The following LILRB2 variants were observed in gnomAD, a reference collection of about 807,000 sequenced individuals.
The protein encoded by LILRB2 is leukocyte immunoglobulin like receptor B2.
Under a neutral mutation model 72.7 loss-of-function variants are expected in LILRB2, and 47 were observed. The ratio of observed to expected loss-of-function variants is 0.65; its 90% CI spans 0.51 to 0.82. The LOEUF (loss-of-function observed/expected upper bound fraction) is 0.82. Among genes scored for constraint, LILRB2 ranks in the 40% least tolerant of loss-of-function variants. The pLI is 0.00. For missense variants in LILRB2, 767 were observed against 764.8 expected (o/e 1.00, Z -0.03); for synonymous variants, 279 against 313.7 (o/e 0.89, Z 1.17).
At position 54,276,523 on chromosome 19, in the gene LILRB2, C is replaced by T. The variant is rs1229398481; in HGVS notation, c.1481-67G>A. 9.8e-6 allele frequency: 13 copies of T among 1,319,902 alleles called. No individual in the cohort carries two copies. The Admixed American group carries it at 1.6e-4, about 16-fold the overall frequency. The allele number at this position is 1,319,902 out of a possible 1,614,324, so 81.8% of individuals were successfully genotyped here. ...AGCCCCCTGCCCTGCACACACAGCT[C>T]GAAGGTAAGGAAGGAAACCTAAAAA... On this transcript the variant is annotated intron_variant, in intron 10 of 13. Coordinates refer to ENST00000314446, the MANE Select transcript of LILRB2 (RefSeq NM_001080978.4).
chr19:54,276,973 T>C, intron 9 of LILRB2, 44 bp from the exon 10 acceptor site: 1 of 1,586,742 alleles, frequency 6.3e-7, no homozygotes, highest in South Asian at 1.1e-5. Context: ...GTCATTGAAA[T>C]GAGCGCCTAC....
rs566521940 is a variant in LILRB2 at position 54,277,820 on chromosome 19, C to T, written c.1309+69G>A. 3.0e-4 allele frequency: 416 copies of T among 1,380,032 alleles called. 3 individuals carry two copies. The South Asian group carries it at 3.6e-3, about 12-fold the overall frequency. 85.5% of individuals were successfully genotyped at this position (1,380,032 alleles called of 1,614,324 possible). A position where few individuals can be genotyped will look rare whatever the true frequency, so the allele number is the denominator to read the frequency against. ...TTGAGTCCCTGAAGGGAATGGGATCCTCCTGGACACTCAAAGCTGCCCTGG... is the reference window on the plus strand; with the variant it reads ...TTGAGTCCCTGAAGGGAATGGGATCTTCCTGGACACTCAAAGCTGCCCTGG... On this transcript the variant is annotated intron_variant, in intron 8 of 13. Coordinates refer to ENST00000314446, the MANE Select transcript of LILRB2 (RefSeq NM_001080978.4).
intron 3 of LILRB2, 72 bp downstream of exon 3, chr19:54,280,192 C>T: frequency 8.7e-6 from 14 of 1,612,928 alleles, no homozygotes; most frequent in Non-Finnish European, 1.2e-5. Context: ...AATCCCCATC[C>T]CCAGCTGCAC....
intron 10 of LILRB2, 174 bp downstream of exon 10, chr19:54,276,633 G>A (rs539158737): frequency 4.2e-6 from 6 of 1,432,926 alleles, no homozygotes; most frequent in Admixed American, 4.4e-5. Context: ...ACTGAGCCCG[G>A]AGGACACTTT....
chr19:54,274,630 T>A lies in LILRB2; in HGVS notation c.*53A>T. On this transcript the variant is annotated 3_prime_UTR_variant, in exon 14 of 14. Coordinates refer to ENST00000314446, the MANE Select transcript of LILRB2 (RefSeq NM_001080978.4). ...TCCACTGGGGGCAGCTCCCGTGCCT[T>A]CAGCAGTCCTGAGTCTCCTTCTACT... The A allele has an allele frequency of 6.2e-7, 1 of 1,613,152 alleles. No homozygotes were observed. Among genetic ancestry groups the A allele is most frequent in the Non-Finnish European group, 8.5e-7 (1 of 1,179,284 alleles).
intron 1 of LILRB2, 164 bp downstream of exon 1, chr19:54,280,797 G>C: frequency 2.4e-6 from 1 of 420,202 alleles, no homozygotes; most frequent in Non-Finnish European, 4.2e-6. Flanking sequence ...GTTTCTCCTC[G>C]TCTCACCGAG....
chr19:54,277,099 G>A, intron 9 of LILRB2, 170 bp from the exon 10 acceptor site: 2 of 1,503,872 alleles, frequency 1.3e-6, no homozygotes, highest in South Asian at 1.2e-5. Flanking sequence ...CGCTCAGAGA[G>A]GGGAATCGCC....
At chr19:54,275,601 T>G (rs444004) in intron 13 of LILRB2, 3 of 531,072 alleles carry the variant, frequency 5.6e-6, no homozygotes, top group Non-Finnish European at 1.1e-5. Context: ...ATGGGGAGCC[T>G]GATCCACAGT....
At position 54,278,202 on chromosome 19, in the gene LILRB2, G is replaced by A. The variant is rs1013897008; in HGVS notation, c.1258+58C>T. The A allele has an allele frequency of 3.8e-6, 6 of 1,599,570 alleles. No homozygotes were observed. In the African/African-American group the frequency reaches 6.7e-5, roughly 18 times the overall value. On this transcript the variant is annotated intron_variant, in intron 7 of 13. Coordinates refer to ENST00000314446, the MANE Select transcript of LILRB2 (RefSeq NM_001080978.4). ...TCCATCCCAGCCCAGAGCTCTCCTG[G>A]GGGGCAGGGCCTGAGCTGAGCCTTT... is the stretch of plus-strand genomic sequence containing the variant.
chr19:54,274,762 T>C lies in LILRB2; in HGVS notation c.1715A>G (p.Lys572Arg). Reference sequence around the variant, plus strand: ...CTGGGATGGAGGAGGCTCAGTTGCCTTCCGTCTGAGGGTCAAGCTGTGCAG... The same window carrying C: ...CTGGGATGGAGGAGGCTCAGTTGCCCTCCGTCTGAGGGTCAAGCTGTGCAG... ...AQLHSLTLRRKATEPPPSQER... is the reference protein window; with the variant it reads ...AQLHSLTLRRRATEPPPSQER... The change falls in exon 14 of 14, where the codon AAG becomes AGG. Residue 572 changes from lysine to arginine, a missense_variant. Lys to Arg is a conservative substitution (Grantham distance 26, BLOSUM62 2). Coordinates refer to ENST00000314446, the MANE Select transcript of LILRB2 (RefSeq NM_001080978.4). 1 of 1,613,886 alleles carries C rather than the reference T, an allele frequency of 6.2e-7. No homozygotes were observed. The highest frequency in any genetic ancestry group is 1.1e-5 in the South Asian group (1 of 91,042).
intron 10 of LILRB2, 109 bp downstream of exon 10, chr19:54,276,698 T>C: frequency 1.3e-6 from 2 of 1,520,776 alleles, no homozygotes; most frequent in African/African-American, 1.4e-5. Context: ...TGGTGAGAAA[T>C]GCTGGAACAG....
intron 13 of LILRB2, 195 bp from the exon 14 acceptor site, chr19:54,275,024 G>A (rs1311065765): frequency 6.3e-7 from 1 of 1,597,620 alleles, no homozygotes; most frequent in Non-Finnish European, 8.6e-7. Flanking sequence ...TGTTTCACCG[G>A]GGCATATGTC....
rs1284383229 is a variant in LILRB2, at chr19:54,274,092, T to C, written c.*591A>G. On this transcript the variant is annotated 3_prime_UTR_variant, in exon 14 of 14. Coordinates refer to ENST00000314446, the MANE Select transcript of LILRB2 (RefSeq NM_001080978.4). ...TGGGCTGTCTGCTGGCTCACTCCCA[T>C]ATGGAAATGCGTGCCTGCTCTTTCT... is the stretch of plus-strand genomic sequence containing the variant. The C allele has an allele frequency of 6.5e-6, 1 of 153,580 alleles. No homozygotes were observed. The highest frequency in any genetic ancestry group is 1.4e-5 in the Non-Finnish European group (1 of 69,070). 9.5% of individuals were successfully genotyped at this position (153,580 alleles called of 1,614,324 possible). A position where few individuals can be genotyped will look rare whatever the true frequency, so the allele number is the denominator to read the frequency against.
Position 54,277,605 on chromosome 19 carries a change from G to A in LILRB2, c.1310-8C>T, listed in dbSNP as rs1183508094. 2.5e-6 allele frequency: 4 copies of A among 1,570,678 alleles called. No individual in the cohort carries two copies. In the African/African-American group the frequency reaches 5.4e-5, roughly 21 times the overall value. On this transcript the variant is annotated splice_region_variant and splice_polypyrimidine_tract_variant and intron_variant, in intron 8 of 13. Transcript: ENST00000314446. ...GGGGCTGGTCCTCAGGGCCTGCTGGGTCAGGACGGGGAGGTGAGGGCTGGG... is the reference window on the plus strand; with the variant it reads ...GGGGCTGGTCCTCAGGGCCTGCTGGATCAGGACGGGGAGGTGAGGGCTGGG...
rs140619167 is a variant in LILRB2, at chr19:54,279,602, A to C, written c.401T>G (p.Val134Gly). The change falls in exon 5 of 14, where the codon GTG (valine) becomes GGG (glycine). Residue 134 changes from valine (V) to glycine (G), a missense_variant. By Grantham distance (109) the Val-to-Gly change is moderately radical. Coordinates refer to ENST00000314446, the MANE Select transcript of LILRB2 (RefSeq NM_001080978.4). Reference protein sequence around the residue: ...PTLSAQPSPVVTSGGRVTLQC... With the variant: ...PTLSAQPSPVGTSGGRVTLQC... ...GAGGGTCACCCTTCCTCCTGAGGTC[A>C]CCACAGGGCTGGGCTGGGCTGAGAG... The C allele has an allele frequency of 2.0e-4, 327 of 1,613,958 alleles. No individual in the cohort carries two copies. Among genetic ancestry groups the C allele is most frequent in the Non-Finnish European group, 2.7e-4 (315 of 1,179,994 alleles).
chr19:54,275,694 A>T lies in LILRB2; in HGVS notation c.1647+257T>A, dbSNP rs865975177. The T allele has an allele frequency of 1.5e-3, 948 of 619,368 alleles. 3 individuals are homozygous for T. The highest frequency in any genetic ancestry group is 6.4e-3 in the African/African-American group (349 of 54,376). 38.4% of individuals were successfully genotyped at this position (619,368 alleles called of 1,614,324 possible). A position where few individuals can be genotyped will look rare whatever the true frequency, so the allele number is the denominator to read the frequency against. ...GTGGTTCATTTATTCCTCATCCTCCAGAGGCCTGGGGAGCGCTCTAACAAC... is the reference window on the plus strand; with the variant it reads ...GTGGTTCATTTATTCCTCATCCTCCTGAGGCCTGGGGAGCGCTCTAACAAC... On this transcript the variant is annotated intron_variant, in intron 13 of 13. Transcript: ENST00000314446.
Position 54,278,400 on chromosome 19 carries a change from T to C in LILRB2, c.1118A>G (p.Glu373Gly), listed in dbSNP as rs770384548. ...DAPLRLRSIH[E>G]YPKYQAEFPM... The stretch of plus-strand genomic sequence containing the variant: ...GAATTCAGCCTGGTACTTAGGATAT[T>C]CGTGTATTGATCTTAGACGGAGTGG... Residue 373 changes from glutamate (E) to glycine (G), a missense_variant, in exon 7 of 14, where the codon GAA (glutamate) becomes GGA (glycine). Around this residue, in one of 3 missense-constraint regions of LILRB2, gnomAD observed 599 missense variants for 568.2 expected, o/e 1.05. Coordinates refer to ENST00000314446, the MANE Select transcript of LILRB2 (RefSeq NM_001080978.4). 1.9e-6 allele frequency: 3 copies of C among 1,614,036 alleles called. No homozygotes were observed. The highest frequency in any genetic ancestry group is 1.3e-5 in the African/African-American group (1 of 74,894).
rs2080240463 is a variant in LILRB2, at chr19:54,276,602, C to T, written c.1481-146G>A. The stretch of plus-strand genomic sequence containing the variant: ...CATGAGATGGACAGAGTCCGAAGGA[C>T]ACTTTACATTTGTAGATGGGACTGA... On this transcript the variant is annotated intron_variant, in intron 10 of 13. Coordinates refer to ENST00000314446, the MANE Select transcript of LILRB2 (RefSeq NM_001080978.4). 3.5e-6 allele frequency: 5 copies of T among 1,436,732 alleles called. No homozygotes were observed. The East Asian group carries it at 9.2e-5, about 26-fold the overall frequency. The allele number at this position is 1,436,732 out of a possible 1,614,324, so 89.0% of individuals were successfully genotyped here. A position where few individuals can be genotyped will look rare whatever the true frequency, so the allele number is the denominator to read the frequency against.
Position 54,277,306 on chromosome 19 carries a change from C to A in LILRB2, c.1357+244G>T, listed in dbSNP as rs1226404114. ...GCAGGTGGGACGGGACAGGCCCCCG[C>A]GGAATCGAGTCTTGGAGTCTTCCCT... is the stretch of plus-strand genomic sequence containing the variant. On this transcript the variant is annotated intron_variant, in intron 9 of 13. Transcript: ENST00000314446. The A allele has an allele frequency of 3.0e-6, 4 of 1,352,180 alleles. No individual in the cohort carries two copies. In the African/African-American group the frequency reaches 4.4e-5, roughly 15 times the overall value. The allele number at this position is 1,352,180 out of a possible 1,614,324, so 83.8% of individuals were successfully genotyped here.
Sources: gnomAD v4.1 joint callset for allele counts on GRCh38, gnomAD v4.1.1 for gene constraint, gnomAD v4.1.1 regional missense constraint, MANE v1.5 for transcripts, NCBI Gene and HGNC (gene_info 2026-07-23, HGNC 2026-07-21) for gene names.